The following ACLY variants were observed in gnomAD, a reference collection of about 807,000 sequenced individuals.
The protein encoded by ACLY is ATP-citrate synthase.
In ACLY, 41 loss-of-function variants were observed where a neutral mutation model predicts 133.0. The observed-to-expected ratio is 0.31, with a 90% CI of 0.24 to 0.40. The LOEUF is 0.40. Among genes scored for constraint, ACLY ranks in the 10% least tolerant of loss-of-function variants. ACLY has a pLI of 1.00. For missense variants in ACLY, 1,046 were observed against 1,453.8 expected, an observed-to-expected ratio of 0.72 and a Z score of 4.56; for synonymous variants, 495 against 549.3, an observed-to-expected ratio of 0.90 and a Z score of 1.38.
At position 41,909,615 on chromosome 17, in the gene ACLY, T is replaced by G. The variant is rs200166376; in HGVS notation, c.431A>C (p.Asp144Ala). ...CAGCTTCTGGGCCTTGGCGTCCACATCACCCACGTCCACACCCCCCTCGTG... is the reference window on the plus strand; with the variant it reads ...CAGCTTCTGGGCCTTGGCGTCCACAGCACCCACGTCCACACCCCCCTCGTG... ...FHHEGGVDVG[D>A]VDAKAQKLLV... Residue 144 changes from aspartate (D) to alanine (A), a missense_variant, in exon 5 of 29, where the codon GAT becomes GCT. Coordinates refer to ENST00000352035, the MANE Select transcript of ACLY (RefSeq NM_001096.3). The G allele has an allele frequency of 1.2e-6, 2 of 1,614,070 alleles. No homozygotes were observed. Among genetic ancestry groups the G allele is most frequent in the Non-Finnish European group, 1.7e-6 (2 of 1,180,010 alleles).
rs1022774958 is a variant in ACLY, at chr17:41,907,583, A to G, written c.617-11T>C. ...CATCTTTGGTCACTACTTCAAGGGG[A>G]GCAGAGGCAATCATCAGACACCGGC... On this transcript the variant is annotated splice_polypyrimidine_tract_variant and intron_variant, in intron 6 of 28. Coordinates refer to ENST00000352035, the MANE Select transcript of ACLY (RefSeq NM_001096.3). 1 of 1,611,574 alleles carries G rather than the reference A, an allele frequency of 6.2e-7. No individual in the cohort carries two copies. The highest frequency in any genetic ancestry group is 8.5e-7 in the Non-Finnish European group (1 of 1,177,890).
At chr17:41,877,140 C>T (rs1382834207) in intron 22 of ACLY, among the ~76,000 whole-genome samples, 1 of 151,880 alleles carries the variant, frequency 6.6e-6, no homozygotes, top group African/African-American at 2.4e-5. Context: ...CTATCTCTCT[C>T]TCTCCTTTTT....
intron 18 of ACLY, among the ~76,000 whole-genome samples, chr17:41,884,541 G>GT (rs2049000440): frequency 6.6e-6 from 1 of 152,226 alleles, no homozygotes. Flanking sequence ...TCGCTCAGCA[G>GT]TAAGAGATGA....
intron 2 of ACLY, 148 bp from the exon 3 acceptor site, chr17:41,912,690 G>C (rs2049939919): frequency 9.9e-7 from 1 of 1,013,386 alleles, no homozygotes; most frequent in East Asian, 2.7e-5. Context: ...TCAACTCCTG[G>C]ATGCTTCCTC....
At chr17:41,899,595 G>T (rs377284034) in intron 11 of ACLY, among the ~76,000 whole-genome samples, 1 of 152,024 alleles carries the variant, frequency 6.6e-6, no homozygotes, top group Non-Finnish European at 1.5e-5. Context: ...ACTCTCCCAT[G>T]CCACGCTCCC....
Position 41,907,481 on chromosome 17 carries a change from G to C in ACLY, c.708C>G (p.Ile236Met). 1 of 1,613,672 alleles carries C rather than the reference G, an allele frequency of 6.2e-7. No individual in the cohort carries two copies. Among genetic ancestry groups the C allele is most frequent in the Non-Finnish European group, 8.5e-7 (1 of 1,179,900 alleles). The change falls in exon 7 of 29, where the codon ATC (isoleucine) becomes ATG (methionine). Residue 236 changes from isoleucine to methionine, a missense_variant. Physicochemically the swap from Ile to Met is conservative, Grantham distance 10. Around this residue, in one of 4 missense-constraint regions of ACLY, gnomAD observed 575 missense variants for 804.2 expected, o/e 0.71. Coordinates refer to ENST00000352035, the MANE Select transcript of ACLY (RefSeq NM_001096.3). ...CCCGCCCGAAGGGGGGAGGGAACTC[G>C]ATGTCACCCCACTTCACTTTGCAGA... ...DYICKVKWGD[I>M]EFPPPFGREA... is the part of the protein sequence containing the mutation.
chr17:41,910,627 G>A (rs2049874112), intron 3 of ACLY, among the ~76,000 whole-genome samples: 1 of 152,224 alleles, frequency 6.6e-6, no homozygotes, highest in Non-Finnish European at 1.5e-5. Context: ...GGGTAGAAGG[G>A]AGGTAACCAT....
intron 23 of ACLY, among the ~76,000 whole-genome samples, chr17:41,872,879 G>A (rs1257678067): frequency 2.0e-5 from 3 of 152,194 alleles, no homozygotes; most frequent in Non-Finnish European, 2.9e-5. Flanking sequence ...GGCAGGAGCA[G>A]ACAGAGAGAG....
At chr17:41,923,217 A>AT (rs2050203142), upstream of ACLY, among the ~76,000 whole-genome samples, 1 of 152,176 alleles carries the variant, frequency 6.6e-6, no homozygotes, top group Non-Finnish European at 1.5e-5. Flanking sequence ...TGATTTTCCC[A>AT]TTTGAATCAC....
intron 8 of ACLY, among the ~76,000 whole-genome samples, chr17:41,905,957 A>T (rs1312503686): frequency 2.0e-5 from 3 of 152,136 alleles, no homozygotes; most frequent in African/African-American, 7.2e-5. Context: ...AAAATCACAC[A>T]CTGCAGGAGT....
chr17:41,896,646 G>C lies in ACLY; in HGVS notation c.1433C>G (p.Ser478Ter). 1 of 1,573,600 alleles carries C rather than the reference G, an allele frequency of 6.4e-7. No homozygotes were observed. The highest frequency in any genetic ancestry group is 8.6e-7 in the Non-Finnish European group (1 of 1,158,780). ...KKAKPAMPQDSVPSPRSLQGK... is the reference protein window; with the variant it reads ...KKAKPAMPQD ...TTGCAGGGATCTTGGACTTGGGACT[G>C]AATCTGTCAAAGAAAATGACCAAGG... is the stretch of plus-strand genomic sequence containing the variant. Residue 478 changes from serine (S) to a stop codon, truncating the protein, a stop_gained, in exon 14 of 29, where the codon TCA becomes TGA. Coordinates refer to ENST00000352035, the MANE Select transcript of ACLY (RefSeq NM_001096.3). LOFTEE classifies it high-confidence loss of function.
chr17:41,929,502 C>T (rs1182255925), intron 1 of ACLY, among the ~76,000 whole-genome samples: 3 of 152,172 alleles, frequency 2.0e-5, no homozygotes, highest in African/African-American at 2.4e-5. Context: ...CTGAATCATT[C>T]ATTTGCCTGG....
intron 11 of ACLY, among the ~76,000 whole-genome samples, chr17:41,899,270 C>G (rs2049458964): frequency 2.0e-5 from 3 of 150,926 alleles, no homozygotes; most frequent in South Asian, 4.2e-4. Context: ...GAGTGAGACT[C>G]TTGTCTCCAA....
chr17:41,904,706 T>C (rs782332676), intron 10 of ACLY, 23 bp downstream of exon 10: 8 of 1,611,190 alleles, frequency 5.0e-6, no homozygotes, highest in South Asian at 1.1e-5. Flanking sequence ...CCCCAGAAAC[T>C]GCACCACTGT....
intron 13 of ACLY, among the ~76,000 whole-genome samples, chr17:41,897,546 G>A (rs1256222699): frequency 2.6e-5 from 4 of 152,098 alleles, no homozygotes; most frequent in Admixed American, 6.6e-5. Context: ...GACCAGGCAC[G>A]GCGTGGGTCC....
intron 3 of ACLY, among the ~76,000 whole-genome samples, chr17:41,911,574 G>A (rs879986510): frequency 2.6e-5 from 4 of 152,346 alleles, no homozygotes; most frequent in South Asian, 4.1e-4. Flanking sequence ...CCAGCTACAT[G>A]GGAGGCTGAG....
chr17:41,869,239 C>T (rs2048538249), intron 26 of ACLY, 114 bp from the exon 27 acceptor site: 1 of 1,027,736 alleles, frequency 9.7e-7, no homozygotes, highest in Non-Finnish European at 1.5e-6. Flanking sequence ...AAACCTTCTA[C>T]CAGCCCCACT....
chr17:41,898,889 C>A (rs1056387693), intron 11 of ACLY, 104 bp from the exon 12 acceptor site: 118 of 1,187,162 alleles, frequency 9.9e-5, no homozygotes, highest in Non-Finnish European at 1.4e-4. Context: ...CAGTGTTTGG[C>A]GCATTCAGTG....
chr17:41,888,214 A>G (rs1282569163), intron 16 of ACLY, among the ~76,000 whole-genome samples: 4 of 152,110 alleles, frequency 2.6e-5, no homozygotes, highest in Non-Finnish European at 5.9e-5. Context: ...CACTCTAACC[A>G]TCTCCTGAAA....
Sources: gnomAD v4.1 joint callset for allele counts (sites outside exome capture counted in the v4.1 genomes callset) on GRCh38, gnomAD v4.1.1 for gene constraint, gnomAD v4.1.1 regional missense constraint, MANE v1.5 for transcripts, NCBI Gene and HGNC (gene_info 2026-07-23, HGNC 2026-07-21) for gene names.